The following PITPNB variants were observed in gnomAD, a reference collection of about 807,000 sequenced individuals.
PITPNB encodes phosphatidylinositol transfer protein beta isoform.
PITPNB carries 16 observed loss-of-function variants against 45.9 expected under a neutral mutation model. That is an observed-to-expected ratio of 0.35 (90% CI 0.24 to 0.53). The LOEUF is 0.53. Ranked by LOEUF, PITPNB falls within the 20% of genes least tolerant of loss-of-function variation. The pLI is 0.93. For missense variants in PITPNB, 188 were observed against 330.5 expected, an observed-to-expected ratio of 0.57 and a Z score of 3.34; for synonymous variants, 112 against 108.9, an observed-to-expected ratio of 1.03 and a Z score of -0.18.
intron 8 of PITPNB, among the ~76,000 whole-genome samples, chr22:27,871,506 G>T (rs1211735158): frequency 2.0e-5 from 3 of 152,168 alleles, no homozygotes; most frequent in Non-Finnish European, 4.4e-5. Flanking sequence ...AGCACCAGTG[G>T]AGGTAGCCAC....
At chr22:27,856,216 C>T (rs1934167436) in intron 10 of PITPNB, among the ~76,000 whole-genome samples, 1 of 152,184 alleles carries the variant, frequency 6.6e-6, no homozygotes, top group African/African-American at 2.4e-5. Flanking sequence ...GATTTTCCAC[C>T]AGCTTTATGA....
At chr22:27,873,058 G>C (rs546710561) in intron 8 of PITPNB, among the ~76,000 whole-genome samples, 1 of 152,092 alleles carries the variant, frequency 6.6e-6, no homozygotes, top group African/African-American at 2.4e-5. Context: ...ACCTGAGGTC[G>C]GGAGTTCGAG....
In PITPNB at chr22:27,919,231, C is replaced by A; in HGVS notation, c.-40G>T. ...CTCACAGCTGCCGCCGATACCACCG[C>A]CGCCGCCGCCGCTACCGCCTCTCAC... On this transcript the variant is annotated 5_prime_UTR_variant, in exon 1 of 12. Transcript: ENST00000335272. 4 of 1,552,520 alleles carry A rather than the reference C, an allele frequency of 2.6e-6. No homozygotes were observed. Among genetic ancestry groups the A allele is most frequent in the Non-Finnish European group, 1.8e-6 (2 of 1,126,936 alleles).
intron 3 of PITPNB, among the ~76,000 whole-genome samples, chr22:27,904,589 G>A (rs9625357): frequency 0.043 from 6,560 of 152,234 alleles, 235 homozygotes; most frequent in African/African-American, 0.092. Context: ...AAAAACTACT[G>A]AAGTGTGCAT....
At chr22:27,863,148 G>A (rs1409388849) in intron 8 of PITPNB, among the ~76,000 whole-genome samples, 1 of 152,152 alleles carries the variant, frequency 6.6e-6, no homozygotes, top group Non-Finnish European at 1.5e-5. Context: ...TTAATTGTGA[G>A]ATATAGCTGC....
intron 8 of PITPNB, among the ~76,000 whole-genome samples, chr22:27,866,168 A>G (rs1474553223): frequency 2.0e-5 from 3 of 152,264 alleles, no homozygotes; most frequent in African/African-American, 7.2e-5. Context: ...TGGGCTAACA[A>G]GAACCTCAAA....
chr22:27,870,408 G>C (rs1364009844), intron 8 of PITPNB, among the ~76,000 whole-genome samples: 1 of 152,188 alleles, frequency 6.6e-6, no homozygotes, highest in Non-Finnish European at 1.5e-5. Flanking sequence ...GAAATCATAG[G>C]ATTTGCATTT....
chr22:27,912,936 T>C (rs1935970942), intron 2 of PITPNB, among the ~76,000 whole-genome samples: 1 of 125,298 alleles, frequency 8.0e-6, no homozygotes, highest in African/African-American at 3.2e-5. Context: ...AGAGCTGAGA[T>C]CGCAATACTG....
At chr22:27,888,782 G>C (rs1010054581) in intron 7 of PITPNB, among the ~76,000 whole-genome samples, 1 of 152,242 alleles carries the variant, frequency 6.6e-6, no homozygotes, top group African/African-American at 2.4e-5. Flanking sequence ...AGAGAAAGGA[G>C]TCCCAGAAAG....
At chr22:27,865,486 T>C (rs1045673814) in intron 8 of PITPNB, among the ~76,000 whole-genome samples, 1 of 152,212 alleles carries the variant, frequency 6.6e-6, no homozygotes, top group Non-Finnish European at 1.5e-5. Context: ...GATCAACTCT[T>C]CTAGGTTATC....
intron 8 of PITPNB, among the ~76,000 whole-genome samples, chr22:27,862,379 T>C (rs1481076912): frequency 8.5e-5 from 13 of 152,230 alleles, no homozygotes; most frequent in African/African-American, 2.9e-4. Context: ...GTATTATTAA[T>C]GCGACTGAAT....
At chr22:27,869,393 G>A (rs533900205) in intron 8 of PITPNB, among the ~76,000 whole-genome samples, 1 of 152,280 alleles carries the variant, frequency 6.6e-6, no homozygotes, top group Admixed American at 6.5e-5. Context: ...AAAATTGTCT[G>A]TACTCTTAAC....
intron 1 of PITPNB, among the ~76,000 whole-genome samples, chr22:27,915,211 T>G (rs976443422): frequency 1.3e-5 from 2 of 152,200 alleles, no homozygotes; most frequent in African/African-American, 2.4e-5. Flanking sequence ...CTTCCTTTTT[T>G]GTGGGATGGG....
chr22:27,917,587 T>C (rs1400487887), intron 1 of PITPNB, among the ~76,000 whole-genome samples: 1 of 152,188 alleles, frequency 6.6e-6, no homozygotes, highest in Non-Finnish European at 1.5e-5. Context: ...GAATTTTCAC[T>C]CTACCAAAAA....
intron 7 of PITPNB, among the ~76,000 whole-genome samples, chr22:27,883,108 A>G (rs1935021533): frequency 6.6e-6 from 1 of 152,226 alleles, no homozygotes; most frequent in African/African-American, 2.4e-5. Context: ...CAAGACTACT[A>G]CTGATAAAAA....
intron 7 of PITPNB, among the ~76,000 whole-genome samples, chr22:27,877,514 T>C (rs1934853457): frequency 6.6e-6 from 1 of 152,236 alleles, no homozygotes; most frequent in Admixed American, 6.5e-5. Flanking sequence ...TATAAATAAC[T>C]GTTTTCTGTC....
intron 3 of PITPNB, 78 bp downstream of exon 3, chr22:27,910,886 T>C: frequency 2.1e-6 from 2 of 948,084 alleles, no homozygotes; most frequent in Non-Finnish European, 1.7e-6. Context: ...ACTTCACATC[T>C]ACTAGTTAAG....
intron 3 of PITPNB, among the ~76,000 whole-genome samples, chr22:27,899,830 T>A (rs1261796697): frequency 3.9e-5 from 6 of 152,202 alleles, no homozygotes; most frequent in Non-Finnish European, 7.3e-5. Flanking sequence ...GATAATTTTT[T>A]AAGCCAAGCT....
At chr22:27,896,446 C>T (rs1353456088) in intron 6 of PITPNB, 106 bp downstream of exon 6, 5 of 776,266 alleles carry the variant, frequency 6.4e-6, no homozygotes, top group Non-Finnish European at 1.1e-5. Context: ...CAGCTTGGTG[C>T]GGTCAGATAC....
Sources: gnomAD v4.1 joint callset for allele counts (sites outside exome capture counted in the v4.1 genomes callset) on GRCh38, gnomAD v4.1.1 for gene constraint, MANE v1.5 for transcripts, NCBI Gene and HGNC (gene_info 2026-07-23, HGNC 2026-07-21) for gene names.